The following HUNK variants were observed in gnomAD, a reference collection of about 807,000 sequenced individuals.
The protein encoded by HUNK is hormonally up-regulated Neu-associated kinase.
In HUNK, 21 loss-of-function variants were observed where a neutral mutation model predicts 61.0. The ratio of observed to expected loss-of-function variants is 0.34; its 90% CI spans 0.24 to 0.50. The LOEUF (loss-of-function observed/expected upper bound fraction) is 0.50, where lower values mean the gene tolerates loss of function less well. Ranked by LOEUF, HUNK falls within the 20% of genes least tolerant of loss-of-function variation. The probability of loss-of-function intolerance (pLI) is 0.98; values close to 1 mark genes in which losing one functional copy is unlikely to be tolerated. For missense variants in HUNK, 772 were observed against 945.7 expected, an observed-to-expected ratio of 0.82 and a Z score of 2.41; for synonymous variants, 371 against 386.1, an observed-to-expected ratio of 0.96 and a Z score of 0.46.
At chr21:31,876,519 C>A (rs1292426372) in intron 1 of HUNK, among the ~76,000 whole-genome samples, 1 of 152,148 alleles carries the variant, frequency 6.6e-6, no homozygotes, top group African/African-American at 2.4e-5. Context: ...TAAAATGAGT[C>A]CTCATTCCCA....
chr21:31,963,530 C>T (rs2123844741), intron 5 of HUNK, among the ~76,000 whole-genome samples: 1 of 152,320 alleles, frequency 6.6e-6, no homozygotes, highest in East Asian at 1.9e-4. Context: ...CAAGGTTTCA[C>T]TGTGTCATCC....
chr21:31,921,749 T>C (rs1273283720), intron 1 of HUNK, among the ~76,000 whole-genome samples: 3 of 152,360 alleles, frequency 2.0e-5, no homozygotes, highest in East Asian at 1.9e-4. Flanking sequence ...CAGACTTTTA[T>C]TGATTCGTTC....
At chr21:31,891,375 TCAAA>T (rs1194833299) in intron 1 of HUNK, among the ~76,000 whole-genome samples, 2 of 152,216 alleles carry the variant, frequency 1.3e-5, no homozygotes, top group Non-Finnish European at 2.9e-5. Flanking sequence ...AGACTGTGTC[TCAAA>T]CAAACAAACA....
At chr21:31,982,949 G>A (rs1428391758) in intron 7 of HUNK, among the ~76,000 whole-genome samples, 3 of 152,200 alleles carry the variant, frequency 2.0e-5, no homozygotes, top group African/African-American at 7.2e-5. Flanking sequence ...GACTACAGGC[G>A]TGTGCCACCA....
At chr21:31,890,395 A>G (rs892835734) in intron 1 of HUNK, among the ~76,000 whole-genome samples, 1 of 151,964 alleles carries the variant, frequency 6.6e-6, no homozygotes, top group Non-Finnish European at 1.5e-5. Context: ...TGCCCAGCTA[A>G]TTTTTGTATT....
chr21:31,947,401 C>T (rs2052815769), intron 4 of HUNK, among the ~76,000 whole-genome samples: 3 of 152,266 alleles, frequency 2.0e-5, no homozygotes, highest in South Asian at 2.1e-4. Context: ...ACATCCCATT[C>T]TCAAGCCAAT....
chr21:31,951,365 G>A (rs1311553052), intron 4 of HUNK, among the ~76,000 whole-genome samples: 1 of 152,068 alleles, frequency 6.6e-6, no homozygotes, highest in East Asian at 1.9e-4. Context: ...TAATGCAGAT[G>A]TGCTTTTTAA....
At chr21:31,990,984 C>T (rs928059847) in intron 9 of HUNK, among the ~76,000 whole-genome samples, 1 of 152,236 alleles carries the variant, frequency 6.6e-6, no homozygotes, top group Non-Finnish European at 1.5e-5. Context: ...CCCAGGGCAG[C>T]AGGCTCTGCC....
At chr21:31,927,708 A>G (rs1300808053) in intron 2 of HUNK, among the ~76,000 whole-genome samples, 4 of 151,844 alleles carry the variant, frequency 2.6e-5, no homozygotes, top group Non-Finnish European at 5.9e-5. Flanking sequence ...TTTACTTAAT[A>G]GAACTTAGAC....
chr21:31,877,985 G>A (rs191709909), intron 1 of HUNK, among the ~76,000 whole-genome samples: 4 of 152,324 alleles, frequency 2.6e-5, no homozygotes, highest in African/African-American at 9.6e-5. Flanking sequence ...CAGGACAGAC[G>A]TGGTGGCTCA....
At chr21:31,889,439 G>T (rs2052371251) in intron 1 of HUNK, among the ~76,000 whole-genome samples, 1 of 152,176 alleles carries the variant, frequency 6.6e-6, no homozygotes, top group Admixed American at 6.6e-5. Flanking sequence ...CTGGTTTTTA[G>T]TTGGAATTAC....
At chr21:31,954,680 G>A (rs570244801) in intron 4 of HUNK, among the ~76,000 whole-genome samples, 2 of 152,180 alleles carry the variant, frequency 1.3e-5, no homozygotes, top group Non-Finnish European at 2.9e-5. Flanking sequence ...CCAATTTTTT[G>A]AGTACGCATC....
chr21:31,898,005 G>A (rs1349882167), intron 1 of HUNK, among the ~76,000 whole-genome samples: 3 of 152,194 alleles, frequency 2.0e-5, no homozygotes, highest in Non-Finnish European at 2.9e-5. Context: ...GGGAGGCTAC[G>A]TGGAGTAGGG....
At chr21:31,892,339 G>A (rs1568918155) in intron 1 of HUNK, among the ~76,000 whole-genome samples, 1 of 151,372 alleles carries the variant, frequency 6.6e-6, no homozygotes, top group East Asian at 1.9e-4. Flanking sequence ...GCCGAGGTGG[G>A]CAGATCACCT....
chr21:31,971,135 G>A (rs1169671718), intron 6 of HUNK, among the ~76,000 whole-genome samples: 1 of 152,064 alleles, frequency 6.6e-6, no homozygotes, highest in Non-Finnish European at 1.5e-5. Context: ...CTGGAGTGCA[G>A]TGGTGCAATC....
intron 5 of HUNK, among the ~76,000 whole-genome samples, chr21:31,960,794 G>A (rs1286292427): frequency 1.3e-5 from 2 of 151,984 alleles, no homozygotes; most frequent in Non-Finnish European, 2.9e-5. Context: ...TGACATGTGG[G>A]GATTATTACA....
intron 5 of HUNK, among the ~76,000 whole-genome samples, chr21:31,963,222 A>G (rs1187131330): frequency 2.0e-5 from 3 of 152,206 alleles, no homozygotes; most frequent in African/African-American, 7.2e-5. Context: ...CAATCCTGCA[A>G]GGTAAGTCCC....
chr21:31,947,724 C>A (rs2052819199), intron 4 of HUNK, among the ~76,000 whole-genome samples: 3 of 152,160 alleles, frequency 2.0e-5, no homozygotes, highest in Admixed American at 6.5e-5. Context: ...CAGTGAGTCA[C>A]CCCCTCCACC....
chr21:31,896,589 A>G (rs1307450686), intron 1 of HUNK, among the ~76,000 whole-genome samples: 2 of 152,214 alleles, frequency 1.3e-5, no homozygotes, highest in Non-Finnish European at 2.9e-5. Context: ...CAAACAAACA[A>G]AAACAAGAAA....
Sources: gnomAD v4.1 joint callset for allele counts (sites outside exome capture counted in the v4.1 genomes callset) on GRCh38, gnomAD v4.1.1 for gene constraint, MANE v1.5 for transcripts, NCBI Gene and HGNC (gene_info 2026-07-23, HGNC 2026-07-21) for gene names.